PCDH7: variants seen among roughly 807,000 people sequenced by gnomAD.
The protein encoded by PCDH7 is protocadherin 7.
Under a neutral mutation model 58.9 loss-of-function variants are expected in PCDH7, and 17 were observed. The observed-to-expected ratio is 0.29, with a 90% confidence interval of 0.20 to 0.43. The LOEUF (loss-of-function observed/expected upper bound fraction) is 0.43. Ranked by LOEUF, PCDH7 falls within the 20% of genes least tolerant of loss-of-function variation. PCDH7 has a pLI of 1.00. For synonymous variants in PCDH7, 664 were observed against 616.4 expected (o/e 1.08, Z -1.14); for missense variants, 1,274 against 1,441.0 (o/e 0.88, Z 1.88).
chr4:30,948,599 G>A (rs753917161), intron 2 of PCDH7, among the ~76,000 whole-genome samples: 1 of 152,042 alleles, frequency 6.6e-6, no homozygotes, highest in Non-Finnish European at 1.5e-5. Flanking sequence ...GAAATTTATA[G>A]AATCCCAAGC....
chr4:31,040,219 T>C (rs1305388443), intron 3 of PCDH7, among the ~76,000 whole-genome samples: 1 of 152,188 alleles, frequency 6.6e-6, no homozygotes, highest in Non-Finnish European at 1.5e-5. Context: ...TTCTATCACT[T>C]CAGGAAATTT....
intron 1 of PCDH7, among the ~76,000 whole-genome samples, chr4:30,764,715 T>C (rs993386597): frequency 5.2e-5 from 3 of 58,112 alleles, no homozygotes; most frequent in African/African-American, 3.5e-4. Context: ...TGGTGTTTGT[T>C]TGTTTGTTTG....
At chr4:30,876,440 A>G (rs573574355) in intron 1 of PCDH7, among the ~76,000 whole-genome samples, 9 of 152,236 alleles carry the variant, frequency 5.9e-5, no homozygotes, top group African/African-American at 2.2e-4. Context: ...ATAAATTGAT[A>G]TTGGTAGTAA....
intron 1 of PCDH7, among the ~76,000 whole-genome samples, chr4:30,905,266 TA>T (rs1308120492): frequency 6.6e-6 from 1 of 152,130 alleles, no homozygotes; most frequent in Non-Finnish European, 1.5e-5. Context: ...GTGTTTTACA[TA>T]CTACTGGAGT....
At chr4:30,727,681 T>C (rs931663007) in intron 1 of PCDH7, among the ~76,000 whole-genome samples, 1 of 151,950 alleles carries the variant, frequency 6.6e-6, no homozygotes, top group African/African-American at 2.4e-5. Context: ...TGGTAGTTGT[T>C]AAACTTTTGT....
At chr4:31,117,715 A>G (rs1010649322) in intron 3 of PCDH7, among the ~76,000 whole-genome samples, 2 of 152,138 alleles carry the variant, frequency 1.3e-5, no homozygotes, top group African/African-American at 2.4e-5. Context: ...CAAGGAAAAA[A>G]CCATTTGCCA....
intron 3 of PCDH7, among the ~76,000 whole-genome samples, chr4:30,979,022 C>A (rs1022479487): frequency 6.6e-6 from 1 of 151,906 alleles, no homozygotes; most frequent in Admixed American, 6.6e-5. Flanking sequence ...TAACAATTTT[C>A]ATTGGTGAGA....
chr4:30,973,957 G>C (rs566161147), intron 3 of PCDH7, among the ~76,000 whole-genome samples: 12 of 151,984 alleles, frequency 7.9e-5, no homozygotes, highest in African/African-American at 2.9e-4. Flanking sequence ...AAAATCACTA[G>C]TAAAACAGCA....
chr4:30,839,189 A>G (rs1730906780), intron 1 of PCDH7, among the ~76,000 whole-genome samples: 2 of 151,972 alleles, frequency 1.3e-5, no homozygotes, highest in Non-Finnish European at 2.9e-5. Flanking sequence ...CTCTATATAT[A>G]TGTGTGTACA....
chr4:31,042,891 A>G (rs370438433), intron 3 of PCDH7, among the ~76,000 whole-genome samples: 11 of 152,162 alleles, frequency 7.2e-5, no homozygotes, highest in African/African-American at 2.7e-4. Context: ...AGGGGCTGGA[A>G]AGTCAGAGGT....
intron 3 of PCDH7, among the ~76,000 whole-genome samples, chr4:31,058,555 G>T (rs1187099102): frequency 2.6e-5 from 4 of 151,912 alleles, no homozygotes; most frequent in Non-Finnish European, 5.9e-5. Context: ...TCCAAAGATG[G>T]TTTTCTAATT....
At chr4:30,924,333 C>T (rs759252890) in intron 2 of PCDH7, among the ~76,000 whole-genome samples, 6 of 152,176 alleles carry the variant, frequency 3.9e-5, no homozygotes, top group Non-Finnish European at 8.8e-5. Context: ...ATTGATAAAT[C>T]AACTCTGAAA....
At chr4:30,972,476 A>G (rs1214683086) in intron 3 of PCDH7, among the ~76,000 whole-genome samples, 1 of 152,196 alleles carries the variant, frequency 6.6e-6, no homozygotes, top group African/African-American at 2.4e-5. Context: ...TACAAAAAAT[A>G]GTCGAATGAA....
At chr4:30,930,917 T>A (rs1744494534) in intron 2 of PCDH7, among the ~76,000 whole-genome samples, 2 of 151,894 alleles carry the variant, frequency 1.3e-5, no homozygotes, top group South Asian at 4.2e-4. Context: ...CCAGCCTGAG[T>A]GACAGACTGA....
At chr4:30,869,590 A>G (rs952686102) in intron 1 of PCDH7, among the ~76,000 whole-genome samples, 9 of 152,138 alleles carry the variant, frequency 5.9e-5, no homozygotes, top group African/African-American at 2.2e-4. Flanking sequence ...AGCTTCATCC[A>G]TGTCCCTGCA....
At chr4:31,069,913 G>A (rs999490365) in intron 3 of PCDH7, among the ~76,000 whole-genome samples, 1 of 106,446 alleles carries the variant, frequency 9.4e-6, no homozygotes, top group Non-Finnish European at 2.0e-5. Flanking sequence ...TCAGCTCTAA[G>A]TTGAATTCCT....
In PCDH7 at chr4:30,722,149, G is replaced by A. The variant is rs757838483; in HGVS notation, c.727G>A (p.Val243Met). Residue 243 changes from valine to methionine, a missense_variant, in exon 1 of 2, where the codon GTG (valine) becomes ATG (methionine). This residue lies in a region of PCDH7 where 331 missense variants were observed against 303.2 expected (regional missense o/e 1.09). Coordinates refer to ENST00000361762, the Ensembl canonical transcript of PCDH7. The surrounding 1 kb of genome is among the most constrained non-coding windows in gnomAD (Gnocchi z 7.6). ...CACCAACCCCGGCGGCCGCAGCAGC[G>A]TGTTCGAGCTGCAGGTGGCGGACAC... 1.1e-5 allele frequency: 17 copies of A among 1,493,418 alleles called. No individual in the cohort carries two copies. In the Admixed American group the frequency reaches 1.8e-4, roughly 15 times the overall value. The allele number at this position is 1,493,418 out of a possible 1,614,324, so 92.5% of individuals were successfully genotyped here. A position where few individuals can be genotyped will look rare whatever the true frequency, so the allele number is the denominator to read the frequency against.
In PCDH7 at chr4:31,006,004, C is replaced by T. The variant is rs151099234; in HGVS notation, c.*7+55789C>T. On this transcript the variant is annotated intron_variant, in intron 3 of 3. Transcript: ENST00000509759. ...GACTACTTCATCTGCAAAATGGAGA[C>T]GATAATAATATCTATTTCATATAGC... Among the ~76,000 whole-genome samples the T allele has an allele frequency of 8.3e-4, 126 of 151,776 alleles. 1 individual carries two copies. The highest frequency in any genetic ancestry group is 2.2e-3 in the Admixed American group (34 of 15,218).
intron 3 of PCDH7, among the ~76,000 whole-genome samples, chr4:31,024,715 C>A (rs1406191064): frequency 6.6e-6 from 1 of 151,952 alleles, no homozygotes. Context: ...TAAAGAAATT[C>A]TCATAGGAAC....
Sources: allele counts gnomAD v4.1 joint callset (sites outside exome capture counted in the v4.1 genomes callset), GRCh38; gene constraint gnomAD v4.1.1; regional missense constraint gnomAD v4.1.1; non-coding constraint Gnocchi (gnomAD v3.1); transcripts MANE v1.5; gene names NCBI Gene and HGNC (gene_info 2026-07-23, HGNC 2026-07-21).